The following KLRD1 variants were observed in gnomAD, a reference collection of about 807,000 sequenced individuals.
KLRD1 encodes the protein natural killer cells antigen CD94.
Under a neutral mutation model 22.6 loss-of-function variants are expected in KLRD1, and 21 were observed. The observed-to-expected ratio is 0.93, with a 90% CI of 0.66 to 1.34. The LOEUF is 1.34. Ranked by LOEUF, KLRD1 falls within the 40% of genes most tolerant of loss-of-function variation. KLRD1 has a pLI of 0.00. For synonymous variants in KLRD1, 59 were observed against 71.1 expected, an observed-to-expected ratio of 0.83 and a Z score of 0.85; for missense variants, 183 against 208.6, an observed-to-expected ratio of 0.88 and a Z score of 0.76.
intron 1 of KLRD1, among the ~76,000 whole-genome samples, chr12:10,286,913 G>GGATCACCTGA (rs1949711656): frequency 6.6e-6 from 1 of 152,010 alleles, no homozygotes; most frequent in African/African-American, 2.4e-5. Context: ...CGAGGCAGGG[G>GGATCACCTGA]GATCACCTGA....
chr12:10,257,883 TAAC>T (rs1414230562), intron 1 of KLRD1, among the ~76,000 whole-genome samples: 1 of 152,116 alleles, frequency 6.6e-6, no homozygotes, highest in Non-Finnish European at 1.5e-5. Context: ...AATTCTCTAT[TAAC>T]TGTGTACTGT....
chr12:10,256,432 T>G (rs1949396278), intron 1 of KLRD1, among the ~76,000 whole-genome samples: 1 of 113,478 alleles, frequency 8.8e-6, no homozygotes, highest in Admixed American at 1.1e-4. Flanking sequence ...GCTGTTTTTT[T>G]TTTTTTTTTT....
At chr12:10,267,004 ACATGTGCCATG>A (rs1338297055) in intron 1 of KLRD1, among the ~76,000 whole-genome samples, 1 of 151,644 alleles carries the variant, frequency 6.6e-6, no homozygotes, top group Non-Finnish European at 1.5e-5. Flanking sequence ...ACATATGTAT[ACATGTGCCATG>A]TTGGTGTGCT....
intron 1 of KLRD1, among the ~76,000 whole-genome samples, chr12:10,247,931 C>T (rs1160389395): frequency 2.0e-5 from 3 of 152,132 alleles, no homozygotes; most frequent in Non-Finnish European, 2.9e-5. Context: ...TACCCAGTCT[C>T]GAGTATGTCC....
chr12:10,289,677 T>C (rs1172635945), intron 1 of KLRD1, among the ~76,000 whole-genome samples: 2 of 152,362 alleles, frequency 1.3e-5, no homozygotes, highest in East Asian at 3.8e-4. Flanking sequence ...TGCTTATTTC[T>C]TTTAGTGGGA....
At chr12:10,282,117 T>C (rs1949649866) in intron 1 of KLRD1, among the ~76,000 whole-genome samples, 1 of 152,182 alleles carries the variant, frequency 6.6e-6, no homozygotes, top group African/African-American at 2.4e-5. Context: ...CACTCTTCTA[T>C]TCATTATTTT....
chr12:10,302,219 A>T (rs1239355377), upstream of KLRD1, among the ~76,000 whole-genome samples: 1 of 152,244 alleles, frequency 6.6e-6, no homozygotes, highest in East Asian at 1.9e-4. Flanking sequence ...TAAAGTTGCC[A>T]TAAACATTCA....
intron 4 of KLRD1, among the ~76,000 whole-genome samples, chr12:10,312,715 C>T (rs1482040993): frequency 6.6e-6 from 1 of 151,020 alleles, no homozygotes; most frequent in African/African-American, 2.4e-5. Context: ...TGCGGCCGGG[C>T]GCAGTGGCTG....
chr12:10,312,350 C>G (rs1364759458), intron 4 of KLRD1, among the ~76,000 whole-genome samples: 1 of 145,820 alleles, frequency 6.9e-6, no homozygotes, highest in East Asian at 2.1e-4. Context: ...CCGTGCCTGG[C>G]CCTAATTACC....
rs576398624 is a variant in KLRD1, at chr12:10,291,044, A to T, written c.-100-16934A>T. 5.3e-5 allele frequency among the ~76,000 whole-genome samples: 8 copies of T among 152,222 alleles called. No homozygotes were observed. The South Asian group carries it at 1.5e-3, about 28-fold the overall frequency. ...TATTGCAATAAAGCAAGTCACATGAATTTTTTTTGTTTCCCAATGCATGTA... is the reference window on the plus strand; with the variant it reads ...TATTGCAATAAAGCAAGTCACATGATTTTTTTTTGTTTCCCAATGCATGTA... On this transcript the variant is annotated intron_variant, in intron 1 of 5. Coordinates refer to the KLRD1 transcript ENST00000544747.
In KLRD1 at chr12:10,308,033, T is replaced by TAC. The variant is rs745727476; in HGVS notation, c.-41_-40dup. 10 of 1,586,022 alleles carry TAC rather than the reference T, an allele frequency of 6.3e-6. No individual in the cohort carries two copies. In the African/African-American group the frequency reaches 1.1e-4, roughly 17 times the overall value. ...TTCAACGCTGTTCTTTCTGAAAAAGTACACATCGTGCCTTCTCTACTTCGC... is the reference window on the plus strand; with the variant it reads ...TTCAACGCTGTTCTTTCTGAAAAAGTACACACATCGTGCCTTCTCTACTTCGC... On this transcript the variant is annotated 5_prime_UTR_variant, in exon 1 of 6. Coordinates refer to ENST00000336164, the MANE Select transcript of KLRD1 (RefSeq NM_002262.5).
chr12:10,295,041 TTGGA>T (rs1949809768), intron 1 of KLRD1, among the ~76,000 whole-genome samples: 1 of 152,208 alleles, frequency 6.6e-6, no homozygotes, highest in Non-Finnish European at 1.5e-5. Context: ...ATTTCTCGAC[TTGGA>T]TGGTAGTTAC....
At position 10,318,264 on chromosome 12, in the gene KLRD1, A is replaced by C. The variant is rs1950272581; in HGVS notation, c.*3471A>C. On this transcript the variant is annotated 3_prime_UTR_variant, in exon 6 of 6. Transcript: ENST00000336164. ...TAACTAACTAGCTAACAAATGGTTT[A>C]TGGTGAGTTCTTTAAAGTTCAAAAT... 1.3e-5 allele frequency: 2 copies of C among 152,188 alleles called. No individual in the cohort carries two copies. Among genetic ancestry groups the C allele is most frequent in the Admixed American group, 1.3e-4 (2 of 15,278 alleles). The allele number at this position is 152,188 out of a possible 1,614,324, so 9.4% of individuals were successfully genotyped here. A position where few individuals can be genotyped will look rare whatever the true frequency, so the allele number is the denominator to read the frequency against.
chr12:10,300,524 CTTTG>C (rs1299204035), upstream of KLRD1, among the ~76,000 whole-genome samples: 3 of 152,202 alleles, frequency 2.0e-5, no homozygotes, highest in Non-Finnish European at 4.4e-5. Context: ...ACCATCCAGA[CTTTG>C]TTTATTCACT....
In KLRD1 at chr12:10,271,629, T is replaced by C. The variant is rs143187089; in HGVS notation, c.-100-36349T>C. Among the ~76,000 whole-genome samples the C allele has an allele frequency of 1.6e-4, 25 of 152,340 alleles. 1 individual carries two copies. The East Asian group carries it at 4.8e-3, about 29-fold the overall frequency. On this transcript the variant is annotated intron_variant, in intron 1 of 5. Transcript: ENST00000544747. ...TGGATATTTGAAGAACAATGAACTTTGAGGTCTGAGTATATTATACTTTCC... is the reference window on the plus strand; with the variant it reads ...TGGATATTTGAAGAACAATGAACTTCGAGGTCTGAGTATATTATACTTTCC...
rs1950302374 is a variant in KLRD1, at chr12:10,320,495, T to G, written c.*5702T>G. 1 of 152,238 alleles carries G rather than the reference T, an allele frequency of 6.6e-6. No individual in the cohort carries two copies. The highest frequency in any genetic ancestry group is 1.5e-5 in the Non-Finnish European group (1 of 68,040). The allele number at this position is 152,238 out of a possible 1,614,324, so 9.4% of individuals were successfully genotyped here. ...TGTACTTAATGATTTAAGAGAATGCTCTAAACTTATTTCCAACTAGAGTGT... is the reference window on the plus strand; with the variant it reads ...TGTACTTAATGATTTAAGAGAATGCGCTAAACTTATTTCCAACTAGAGTGT... On this transcript the variant is annotated 3_prime_UTR_variant, in exon 6 of 6. Coordinates refer to ENST00000336164, the MANE Select transcript of KLRD1 (RefSeq NM_002262.5).
intron 1 of KLRD1, among the ~76,000 whole-genome samples, chr12:10,267,420 A>G (rs1949510565): frequency 6.6e-6 from 1 of 152,052 alleles, no homozygotes. Context: ...TTATTTAATA[A>G]AAAAATTTCA....
intron 1 of KLRD1, among the ~76,000 whole-genome samples, chr12:10,260,889 C>G (rs1321580676): frequency 1.3e-5 from 2 of 151,688 alleles, no homozygotes; most frequent in Non-Finnish European, 2.9e-5. Flanking sequence ...TTGCAGTGAG[C>G]TGAGATCATG....
rs761792528 is a variant in KLRD1, at chr12:10,311,621, T to C, written c.315+6T>C. The C allele has an allele frequency of 1.2e-6, 2 of 1,612,454 alleles. No homozygotes were observed. The highest frequency in any genetic ancestry group is 2.2e-5 in the South Asian group (2 of 90,970). On this transcript the variant is annotated splice_donor_region_variant and intron_variant, in intron 4 of 5. Transcript: ENST00000336164. ...TTCAAAACACAGATGAACTGGCATG[T>C]GCTGAGTCTGATTTTCTACATTTTC...
Sources: gnomAD v4.1 joint callset for allele counts (sites outside exome capture counted in the v4.1 genomes callset) on GRCh38, gnomAD v4.1.1 for gene constraint, MANE v1.5 for transcripts, NCBI Gene and HGNC (gene_info 2026-07-23, HGNC 2026-07-21) for gene names.